PAQR5: variants seen among roughly 807,000 people sequenced by gnomAD.
The protein encoded by PAQR5 is progestin and adipoQ receptor family member 5.
Under a neutral mutation model 34.5 loss-of-function variants are expected in PAQR5, and 20 were observed. That is an observed-to-expected ratio of 0.58 (90% CI 0.41 to 0.84). PAQR5 has a LOEUF of 0.84. Among genes scored for constraint, PAQR5 ranks in the 40% least tolerant of loss-of-function variants. The probability of loss-of-function intolerance (pLI) is 0.00; values close to 1 mark genes in which losing one functional copy is unlikely to be tolerated. For synonymous variants in PAQR5, 131 were observed against 155.6 expected (o/e 0.84, Z 1.18); for missense variants, 378 against 412.7 (o/e 0.92, Z 0.73).
chr15:69,397,314 C>G (rs554350843), intron 6 of PAQR5, 154 bp from the exon 7 acceptor site: 1 of 712,056 alleles, frequency 1.4e-6, no homozygotes, highest in Admixed American at 2.0e-5. Flanking sequence ...GAGGAATGGA[C>G]GAGGCTGGTG....
chr15:69,342,795 G>A (rs2054675527), intron 2 of PAQR5, among the ~76,000 whole-genome samples: 1 of 152,218 alleles, frequency 6.6e-6, no homozygotes, highest in African/African-American at 2.4e-5. Context: ...CAGCCACCCA[G>A]AGCCTGCCTA....
chr15:69,321,826 A>G (rs1466463589), intron 1 of PAQR5, among the ~76,000 whole-genome samples: 1 of 152,092 alleles, frequency 6.6e-6, no homozygotes, highest in East Asian at 1.9e-4. Flanking sequence ...GAACAGGAAC[A>G]CTGGACAGTG....
chr15:69,401,172 C>T (rs958564945), intron 8 of PAQR5: 1 of 152,222 alleles, frequency 6.6e-6, no homozygotes, highest in African/African-American at 2.4e-5. Context: ...AGGAGGAACC[C>T]TTGCATCATT....
intron 1 of PAQR5, among the ~76,000 whole-genome samples, chr15:69,300,750 TTCTTTC>T (rs2053549780): frequency 4.0e-5 from 2 of 50,242 alleles, no homozygotes; most frequent in Admixed American, 3.1e-4. Flanking sequence ...CTTTCTTTCA[TTCTTTC>T]TCTTCCTTCC....
intron 2 of PAQR5, among the ~76,000 whole-genome samples, chr15:69,348,598 T>C (rs994023108): frequency 2.0e-5 from 3 of 152,138 alleles, no homozygotes; most frequent in Non-Finnish European, 4.4e-5. Context: ...GAGGGTTAAT[T>C]TTAGGTGTCA....
rs760869082 is a variant in PAQR5, at chr15:69,300,704, CTTTCTTTCT to C, written c.-277+1651_-277+1659del. Among the ~76,000 whole-genome samples, 2 of 28,578 alleles carry C rather than the reference CTTTCTTTCT, an allele frequency of 7.0e-5. 1 individual carries two copies. Among genetic ancestry groups the C allele is most frequent in the Non-Finnish European group, 1.5e-4 (2 of 13,646 alleles). The allele number at this position is 28,578 out of a possible 152,430, so 18.7% of individuals were successfully genotyped here. On this transcript the variant is annotated intron_variant, in intron 1 of 8. Coordinates refer to ENST00000395407, the MANE Select transcript of PAQR5 (RefSeq NM_017705.4). Reference sequence around the variant, plus strand: ...CCTTCCTCCCTCCCTCTCTCTCTCTCTTTCTTTCTTTCTTTCTTTCTTTCTTTCTTTCTT... The same window carrying C: ...CCTTCCTCCCTCCCTCTCTCTCTCTCTTCTTTCTTTCTTTCTTTCTTTCTT...
chr15:69,303,421 C>T (rs532532901), intron 1 of PAQR5, among the ~76,000 whole-genome samples: 29 of 152,272 alleles, frequency 1.9e-4, no homozygotes, highest in African/African-American at 6.5e-4. Context: ...AGGAAGGAGT[C>T]ATCCCCACCA....
chr15:69,319,823 G>A (rs1200849046), intron 1 of PAQR5, among the ~76,000 whole-genome samples: 4 of 152,168 alleles, frequency 2.6e-5, no homozygotes, highest in Admixed American at 2.6e-4. Flanking sequence ...TGGGGGTCTT[G>A]GTTCTGCTCT....
chr15:69,391,606 C>G (rs2242464), intron 6 of PAQR5: 412,698 of 455,710 alleles, frequency 0.91, 189,958 homozygotes, highest in Non-Finnish European at 0.97. Context: ...AACCTGGACA[C>G]TCTTGGACCT....
chr15:69,366,264 C>T (rs898903484), intron 3 of PAQR5, among the ~76,000 whole-genome samples: 2 of 152,190 alleles, frequency 1.3e-5, no homozygotes, highest in African/African-American at 4.8e-5. Flanking sequence ...CAAGGTTCAT[C>T]TATGCTGTAG....
chr15:69,379,099 A>G (rs2055805140), intron 3 of PAQR5, among the ~76,000 whole-genome samples: 1 of 152,220 alleles, frequency 6.6e-6, no homozygotes, highest in Non-Finnish European at 1.5e-5. Flanking sequence ...AAGCTCTTCT[A>G]ACCATGGCAG....
chr15:69,342,940 A>G (rs931330826), intron 2 of PAQR5, among the ~76,000 whole-genome samples: 7 of 152,234 alleles, frequency 4.6e-5, no homozygotes, highest in African/African-American at 1.7e-4. Context: ...CTCTGAGATA[A>G]GCAGAAAGGT....
chr15:69,378,664 A>T (rs2055791440), intron 3 of PAQR5, among the ~76,000 whole-genome samples: 1 of 152,114 alleles, frequency 6.6e-6, no homozygotes, highest in South Asian at 2.1e-4. Flanking sequence ...TACTAATATT[A>T]TCATTGTTAT....
At chr15:69,317,373 C>T (rs1458958524) in intron 1 of PAQR5, among the ~76,000 whole-genome samples, 2 of 152,162 alleles carry the variant, frequency 1.3e-5, no homozygotes, top group African/African-American at 4.8e-5. Flanking sequence ...CAAGACATGC[C>T]CTTTCCCATC....
At chr15:69,364,465 T>G (rs1171960573) in intron 3 of PAQR5, among the ~76,000 whole-genome samples, 4 of 147,976 alleles carry the variant, frequency 2.7e-5, no homozygotes, top group African/African-American at 9.8e-5. Flanking sequence ...ACATGTAATA[T>G]ATATTATATA....
At chr15:69,390,843 T>C (rs1022168908) in intron 6 of PAQR5, among the ~76,000 whole-genome samples, 1 of 151,118 alleles carries the variant, frequency 6.6e-6, no homozygotes, top group Non-Finnish European at 1.5e-5. Context: ...TTTTTTTTTT[T>C]CTTTCAAGAA....
At chr15:69,383,760 T>C (rs2140934424) in intron 4 of PAQR5, among the ~76,000 whole-genome samples, 1 of 95,828 alleles carries the variant, frequency 1.0e-5, no homozygotes, top group African/African-American at 4.4e-5. Context: ...AGTGGGCCTC[T>C]GTGCTCATGG....
intron 1 of PAQR5, among the ~76,000 whole-genome samples, chr15:69,317,154 T>C (rs1421898587): frequency 1.3e-5 from 2 of 152,184 alleles, no homozygotes; most frequent in Non-Finnish European, 2.9e-5. Flanking sequence ...TGCTCAATAG[T>C]GGTGTTTCAA....
At chr15:69,361,135 C>T (rs1447231107) in intron 3 of PAQR5, among the ~76,000 whole-genome samples, 1 of 152,184 alleles carries the variant, frequency 6.6e-6, no homozygotes, top group Non-Finnish European at 1.5e-5. Flanking sequence ...AGAGCACCTG[C>T]CTCTGTTCTC....
Sources: gnomAD v4.1 joint callset for allele counts (sites outside exome capture counted in the v4.1 genomes callset) on GRCh38, gnomAD v4.1.1 for gene constraint, MANE v1.5 for transcripts, NCBI Gene and HGNC (gene_info 2026-07-23, HGNC 2026-07-21) for gene names.